C4orf51: variants seen among roughly 807,000 people sequenced by gnomAD.
C4orf51 encodes the protein chromosome 4 open reading frame 51.
C4orf51 carries 25 observed loss-of-function variants against 25.2 expected under a neutral mutation model. That is an observed-to-expected ratio of 0.99 (90% CI 0.72 to 1.39). C4orf51 has a LOEUF of 1.39. C4orf51 is among the 40% of genes most tolerant of loss of function. The pLI, the probability that C4orf51 is intolerant of heterozygous loss-of-function variation, is 0.00. For synonymous variants in C4orf51, 100 were observed against 84.5 expected (o/e 1.18, Z -1.01); for missense variants, 252 against 239.6 (o/e 1.05, Z -0.34).
chr4:145,775,896 C>G, downstream of C4orf51: 1 of 1,614,174 alleles, frequency 6.2e-7, no homozygotes, highest in Non-Finnish European at 8.5e-7. Context: ...CGGTCAAGTG[C>G]TGGTTCAGAT....
In C4orf51 at chr4:145,688,590, G is replaced by A. The variant is rs181585816; in HGVS notation, c.234-7969G>A. Among the ~76,000 whole-genome samples the A allele has an allele frequency of 7.2e-5, 11 of 152,290 alleles. No homozygotes were observed. In the East Asian group the frequency reaches 2.1e-3, roughly 29 times the overall value. Reference sequence around the variant, plus strand: ...CCTGCCACCATTTAAGATGTGCCTTGCTTCCCCTTTGTCTTCTGCCATGAT... The same window carrying A: ...CCTGCCACCATTTAAGATGTGCCTTACTTCCCCTTTGTCTTCTGCCATGAT... On this transcript the variant is annotated intron_variant, in intron 1 of 5. Coordinates refer to ENST00000438731, the MANE Select transcript of C4orf51 (RefSeq NM_001080531.3).
rs760111035 is a variant in C4orf51 at position 145,761,156 on chromosome 4, G to T, written n.167-9832G>T. Reference sequence around the variant, plus strand: ...GGGCCGGCCGGTTCCTTGGGGGCTGGACACAGGCCCTTCTTGTCCTCCTCG... The same window carrying T: ...GGGCCGGCCGGTTCCTTGGGGGCTGTACACAGGCCCTTCTTGTCCTCCTCG... On this transcript the variant is annotated intron_variant and non_coding_transcript_variant, in intron 1 of 1. Transcript: ENST00000510096. This position sits in a 1 kb window ranked among gnomAD's most constrained non-coding sequence, Gnocchi z 6.8. 51 of 1,289,862 alleles carry T rather than the reference G, an allele frequency of 4.0e-5. No individual in the cohort carries two copies. In the African/African-American group the frequency reaches 6.5e-4, roughly 16 times the overall value. 79.9% of individuals were successfully genotyped at this position (1,289,862 alleles called of 1,614,324 possible).
intron 2 of C4orf51, among the ~76,000 whole-genome samples, chr4:145,706,218 T>C (rs1216954301): frequency 6.6e-6 from 1 of 152,232 alleles, no homozygotes; most frequent in Non-Finnish European, 1.5e-5. Flanking sequence ...ATATAAGCTT[T>C]AGTCTTATTA....
chr4:145,703,297 C>T (rs1001792507), intron 2 of C4orf51, among the ~76,000 whole-genome samples: 5 of 151,970 alleles, frequency 3.3e-5, no homozygotes, highest in Admixed American at 6.6e-5. Flanking sequence ...CACTGAGCAC[C>T]TTGCGACCCC....
intron 1 of C4orf51, 86 bp downstream of exon 1, chr4:145,680,522 G>C: frequency 1.0e-6 from 1 of 991,936 alleles, no homozygotes; most frequent in Non-Finnish European, 1.5e-6. Context: ...TGTAGACCCT[G>C]AGAGACTTCA....
rs1375119094 is a variant in C4orf51 at position 145,770,318 on chromosome 4, AT to A, written n.167-669del. ...TGTCTTAAAATAAATAAATAAATAA[AT>A]AAATAAATAAATAAATAAATAAATA... On this transcript the variant is annotated intron_variant and non_coding_transcript_variant, in intron 1 of 1. Coordinates refer to the C4orf51 transcript ENST00000510096. 4.7e-3 allele frequency among the ~76,000 whole-genome samples: 692 copies of A among 145,748 alleles called. 6 individuals carry two copies. The highest frequency in any genetic ancestry group is 6.9e-3 in the Non-Finnish European group (461 of 67,154).
At chr4:145,758,392 G>A (rs1382386953), downstream of C4orf51, 3 of 152,144 alleles carry the variant, frequency 2.0e-5, no homozygotes, top group Non-Finnish European at 2.9e-5. Context: ...AAAACCTATA[G>A]TCTGAATTGT....
At chr4:145,697,409 T>C (rs1330221862) in intron 2 of C4orf51, among the ~76,000 whole-genome samples, 1 of 152,144 alleles carries the variant, frequency 6.6e-6, no homozygotes, top group African/African-American at 2.4e-5. Context: ...TCTTAGCAAA[T>C]TTTAAGTATA....
intron 1 of C4orf51, among the ~76,000 whole-genome samples, chr4:145,692,472 A>C (rs1729648612): frequency 6.6e-6 from 1 of 152,192 alleles, no homozygotes; most frequent in African/African-American, 2.4e-5. Flanking sequence ...ATCTGCCCCA[A>C]ATCTACTGAA....
downstream of C4orf51, among the ~76,000 whole-genome samples, chr4:145,734,434 C>G (rs1259911288): frequency 6.6e-6 from 1 of 152,090 alleles, no homozygotes; most frequent in African/African-American, 2.4e-5. Flanking sequence ...GGGAAGAGAC[C>G]TGGGCATCAA....
the C4orf51 span, among the ~76,000 whole-genome samples, chr4:145,777,834 C>T: frequency 1.1e-4 from 17 of 152,090 alleles, no homozygotes; most frequent in African/African-American, 3.9e-4. Context: ...TTGCTGTTTG[C>T]TCCAGGTTTA....
rs748238049 is a variant in C4orf51 at position 145,765,509 on chromosome 4, C to T, written n.167-5479C>T. Reference sequence around the variant, plus strand: ...TCTCAAGAATGGGTCATCCTGGGTGCGGAGGGTTGAGCAGGCTCACACCCA... The same window carrying T: ...TCTCAAGAATGGGTCATCCTGGGTGTGGAGGGTTGAGCAGGCTCACACCCA... On this transcript the variant is annotated intron_variant and non_coding_transcript_variant, in intron 1 of 1. Coordinates refer to the C4orf51 transcript ENST00000510096. The surrounding 1 kb of genome is among the most constrained non-coding windows in gnomAD (Gnocchi z 4.7). 2.4e-5 allele frequency: 37 copies of T among 1,572,886 alleles called. No homozygotes were observed. The highest frequency in any genetic ancestry group is 2.9e-5 in the Non-Finnish European group (34 of 1,160,622).
chr4:145,697,828 G>GGT (rs1304422996), intron 2 of C4orf51, among the ~76,000 whole-genome samples: 11 of 152,198 alleles, frequency 7.2e-5, no homozygotes, highest in Non-Finnish European at 1.5e-4. Flanking sequence ...TGGGAGTGCA[G>GGT]GTAGCTCTTC....
chr4:145,701,507 C>T lies in C4orf51; in HGVS notation c.307+4875C>T, dbSNP rs532394282. On this transcript the variant is annotated intron_variant, in intron 2 of 5. Coordinates refer to ENST00000438731, the MANE Select transcript of C4orf51 (RefSeq NM_001080531.3). ...CACCTGGCAGCCACTCCCAGAGCCCCTGGAACTCTGGCCCAAGGCTCTCTG... is the reference window on the plus strand; with the variant it reads ...CACCTGGCAGCCACTCCCAGAGCCCTTGGAACTCTGGCCCAAGGCTCTCTG... 2.0e-5 allele frequency among the ~76,000 whole-genome samples: 3 copies of T among 152,084 alleles called. No homozygotes were observed. In the South Asian group the frequency reaches 6.2e-4, roughly 32 times the overall value.
intron 3 of C4orf51, among the ~76,000 whole-genome samples, chr4:145,728,070 G>T (rs1343851376): frequency 1.5e-5 from 2 of 129,910 alleles, no homozygotes; most frequent in African/African-American, 5.9e-5. Flanking sequence ...ACACACACAC[G>T]CCATATAAGG....
the C4orf51 span, among the ~76,000 whole-genome samples, chr4:145,777,237 A>G: frequency 6.6e-6 from 1 of 152,224 alleles, no homozygotes; most frequent in Non-Finnish European, 1.5e-5. Context: ...TCCTTTCTTT[A>G]GAAGTTTTGT....
chr4:145,762,981 C>T lies in C4orf51; in HGVS notation n.167-8007C>T, dbSNP rs1734765670. On this transcript the variant is annotated intron_variant and non_coding_transcript_variant, in intron 1 of 1. Transcript: ENST00000510096. This position sits in a 1 kb window ranked among gnomAD's most constrained non-coding sequence, Gnocchi z 4.9. The stretch of plus-strand genomic sequence containing the variant: ...TGCACGGCCTCCTCAGCGCCAAGCT[C>T]GCCGTTAGCCTTTGAACCTCAGCTC... 8 of 1,101,730 alleles carry T rather than the reference C, an allele frequency of 7.3e-6. No individual in the cohort carries two copies. The highest frequency in any genetic ancestry group is 1.6e-5 in the African/African-American group (1 of 63,476). The allele number at this position is 1,101,730 out of a possible 1,614,324, so 68.2% of individuals were successfully genotyped here.
chr4:145,703,572 G>T (rs578148243), intron 2 of C4orf51, among the ~76,000 whole-genome samples: 1 of 152,284 alleles, frequency 6.6e-6, no homozygotes, highest in South Asian at 2.1e-4. Context: ...TCACTTCGTT[G>T]ATAGTTTCCT....
chr4:145,736,506 G>A (rs889162688), downstream of C4orf51, among the ~76,000 whole-genome samples: 2 of 152,042 alleles, frequency 1.3e-5, no homozygotes, highest in Non-Finnish European at 2.9e-5. Context: ...TCCATGGCTG[G>A]GCGCAACAGC....
Sources: gnomAD v4.1 joint callset for allele counts (sites outside exome capture counted in the v4.1 genomes callset) on GRCh38, gnomAD v4.1.1 for gene constraint, Gnocchi (gnomAD v3.1) non-coding constraint, MANE v1.5 for transcripts, NCBI Gene and HGNC (gene_info 2026-07-23, HGNC 2026-07-21) for gene names.